TLL2: variants seen among roughly 807,000 people sequenced by gnomAD.
TLL2 encodes the protein tolloid like 2, also known as tolloid-like protein 2.
A neutral mutation model predicts 123.0 loss-of-function variants in TLL2; 106 were observed. That is an observed-to-expected ratio of 0.86 (90% CI 0.74 to 1.01). TLL2 has a LOEUF of 1.01. Ranked by LOEUF, TLL2 falls within the 50% of genes least tolerant of loss-of-function variation. The pLI is 0.00. For synonymous variants in TLL2, 494 were observed against 516.8 expected (o/e 0.96, Z 0.60); for missense variants, 1,332 against 1,336.7 (o/e 1.00, Z 0.06).
At chr10:96,475,886 T>C (rs546402521) in intron 2 of TLL2, among the ~76,000 whole-genome samples, 14 of 152,212 alleles carry the variant, frequency 9.2e-5, no homozygotes, top group African/African-American at 2.6e-4. Flanking sequence ...TAAGTGGGTC[T>C]CACGAGATCT....
At chr10:96,495,521 T>C (rs754761022) in intron 1 of TLL2, among the ~76,000 whole-genome samples, 14 of 152,182 alleles carry the variant, frequency 9.2e-5, no homozygotes, top group Non-Finnish European at 1.5e-4. Flanking sequence ...GGCCTCTATG[T>C]TCTTTTGTAG....
intron 2 of TLL2, among the ~76,000 whole-genome samples, chr10:96,459,196 G>A (rs745903737): frequency 3.3e-5 from 5 of 152,056 alleles, no homozygotes; most frequent in African/African-American, 4.8e-5. Context: ...AATTCTAAGA[G>A]GATTTTGCTG....
At chr10:96,434,838 C>T (rs948067147) in intron 3 of TLL2, among the ~76,000 whole-genome samples, 1 of 152,108 alleles carries the variant, frequency 6.6e-6, no homozygotes, top group East Asian at 1.9e-4. Flanking sequence ...TCCACATCCT[C>T]GTCAACACTT....
intron 1 of TLL2, among the ~76,000 whole-genome samples, chr10:96,506,415 T>C (rs1482161979): frequency 1.3e-5 from 2 of 151,796 alleles, no homozygotes; most frequent in African/African-American, 2.4e-5. Context: ...CAAATAACCA[T>C]AGTCCAGGCT....
intron 2 of TLL2, among the ~76,000 whole-genome samples, chr10:96,452,623 C>A (rs1846972965): frequency 6.6e-6 from 1 of 152,174 alleles, no homozygotes; most frequent in South Asian, 2.1e-4. Context: ...TTCAAGGTCA[C>A]CCAGCTAGTC....
At chr10:96,392,491 AG>A (rs1846299003) in intron 13 of TLL2, among the ~76,000 whole-genome samples, 1 of 151,418 alleles carries the variant, frequency 6.6e-6, no homozygotes, top group Non-Finnish European at 1.5e-5. Flanking sequence ...CCTAATCTCC[AG>A]CTTTAGCTGG....
At chr10:96,437,493 G>T (rs7910716) in intron 3 of TLL2, among the ~76,000 whole-genome samples, 3,803 of 152,246 alleles carry the variant, frequency 0.025, 146 homozygotes, top group African/African-American at 0.086. Context: ...ATACTGAACA[G>T]TTTCAACACC....
chr10:96,370,501 G>T (rs1188339975), intron 19 of TLL2, among the ~76,000 whole-genome samples, 186 bp from the exon 20 acceptor site: 1 of 152,226 alleles, frequency 6.6e-6, no homozygotes, highest in African/African-American at 2.4e-5. Context: ...CTCCCTCGGG[G>T]GTGCAAAGTG....
intron 13 of TLL2, among the ~76,000 whole-genome samples, chr10:96,394,882 C>T (rs1021835581): frequency 6.6e-6 from 1 of 152,244 alleles, no homozygotes; most frequent in African/African-American, 2.4e-5. Context: ...ATGATAGCTG[C>T]TATCCAAATA....
At chr10:96,463,208 G>A (rs1291380233) in intron 2 of TLL2, among the ~76,000 whole-genome samples, 2 of 152,238 alleles carry the variant, frequency 1.3e-5, no homozygotes. Flanking sequence ...CCCGAAGCCA[G>A]CACTGATGGG....
chr10:96,399,666 C>T (rs1283357081), intron 10 of TLL2, among the ~76,000 whole-genome samples: 1 of 152,240 alleles, frequency 6.6e-6, no homozygotes, highest in Non-Finnish European at 1.5e-5. Flanking sequence ...AAATGACAGG[C>T]AAGCCTGGGG....
chr10:96,424,416 C>T (rs1846658257), intron 5 of TLL2, among the ~76,000 whole-genome samples: 1 of 152,124 alleles, frequency 6.6e-6, no homozygotes, highest in Non-Finnish European at 1.5e-5. Context: ...CAAAACATCT[C>T]GGGTACCCAA....
chr10:96,421,607 T>A lies in TLL2; in HGVS notation c.818-546A>T, dbSNP rs1312475377. On this transcript the variant is annotated intron_variant, in intron 6 of 20. Coordinates refer to ENST00000357947, the MANE Select transcript of TLL2 (RefSeq NM_012465.4). ...TGAACCCGGGAGACGGAGCTTGCAG[T>A]GAGCCAAGATCGCACCACTGCACTC... 3.3e-5 allele frequency among the ~76,000 whole-genome samples: 5 copies of A among 150,070 alleles called. No individual in the cohort carries two copies. The Admixed American group carries it at 3.3e-4, about 10-fold the overall frequency.
At chr10:96,500,464 A>G (rs1237245488) in intron 1 of TLL2, among the ~76,000 whole-genome samples, 1 of 152,230 alleles carries the variant, frequency 6.6e-6, no homozygotes, top group Non-Finnish European at 1.5e-5. Context: ...ATGTATATAA[A>G]CATCTAGCTA....
At chr10:96,497,811 T>C (rs961836934) in intron 1 of TLL2, among the ~76,000 whole-genome samples, 5 of 152,248 alleles carry the variant, frequency 3.3e-5, no homozygotes, top group South Asian at 2.1e-4. Flanking sequence ...CTCTGACTTA[T>C]AGAGCTTTGC....
rs114681962 is a variant in TLL2 at position 96,378,825 on chromosome 10, G to A, written c.2320+142C>T. 61 of 1,151,138 alleles carry A rather than the reference G, an allele frequency of 5.3e-5. 1 individual carries two copies. The highest frequency in any genetic ancestry group is 3.7e-4 in the South Asian group (25 of 67,078). 71.3% of individuals were successfully genotyped at this position (1,151,138 alleles called of 1,614,324 possible). A position where few individuals can be genotyped will look rare whatever the true frequency, so the allele number is the denominator to read the frequency against. ...GAGATGCCCTGGGGAAAACTCTCCC[G>A]CAAGGACAGCAGTTGCTGGGCCTCA... On this transcript the variant is annotated intron_variant, in intron 17 of 20. Coordinates refer to ENST00000357947, the MANE Select transcript of TLL2 (RefSeq NM_012465.4).
In TLL2 at chr10:96,500,544, A is replaced by G. The variant is rs150085452; in HGVS notation, c.175+12967T>C. On this transcript the variant is annotated intron_variant, in intron 1 of 20. Transcript: ENST00000357947. ...GATTGAGGTTCATGCCTGTAATCCC[A>G]GCACATTGGGAGGCCAAGGCGGGTG... Among the ~76,000 whole-genome samples, 760 of 152,342 alleles carry G rather than the reference A, an allele frequency of 5.0e-3. 6 individuals are homozygous for G. The highest frequency in any genetic ancestry group is 0.018 in the African/African-American group (730 of 41,586).
intron 18 of TLL2, among the ~76,000 whole-genome samples, chr10:96,375,124 G>A (rs1185620293): frequency 1.3e-5 from 2 of 152,116 alleles, no homozygotes; most frequent in Non-Finnish European, 2.9e-5. Context: ...AGTGACATAG[G>A]GAGCACTGGG....
In TLL2 at chr10:96,382,150, G is replaced by A. The variant is rs1322659464; in HGVS notation, c.2194+2437C>T. Among the ~76,000 whole-genome samples the A allele has an allele frequency of 2.0e-5, 3 of 152,106 alleles. No individual in the cohort carries two copies. In the East Asian group the frequency reaches 5.8e-4, roughly 29 times the overall value. On this transcript the variant is annotated intron_variant, in intron 16 of 20. Coordinates refer to ENST00000357947, the MANE Select transcript of TLL2 (RefSeq NM_012465.4). ...TGGCTCAAGCGATTCTCCTGCCTCA[G>A]CCTCCCGAGTAGCTGGGACTACACA...
Sources: allele counts gnomAD v4.1 joint callset (sites outside exome capture counted in the v4.1 genomes callset), GRCh38; gene constraint gnomAD v4.1.1; transcripts MANE v1.5; gene names NCBI Gene and HGNC (gene_info 2026-07-23, HGNC 2026-07-21).